TRAF3: variants seen among roughly 807,000 people sequenced by gnomAD.
TRAF3 encodes the protein TNF receptor associated factor 3, also known as TNF receptor-associated factor 3.
A neutral mutation model predicts 62.3 loss-of-function variants in TRAF3; 13 were observed. The ratio of observed to expected loss-of-function variants is 0.21; its 90% CI spans 0.14 to 0.33. The LOEUF is 0.33. Among genes scored for constraint, TRAF3 ranks in the 10% least tolerant of loss-of-function variants. The pLI is 1.00. For missense variants in TRAF3, 440 were observed against 741.8 expected, an observed-to-expected ratio of 0.59 and a Z score of 4.73; for synonymous variants, 269 against 283.4, an observed-to-expected ratio of 0.95 and a Z score of 0.51.
rs529657476 is a variant in TRAF3, at chr14:102,799,193, A to C, written c.-157+21518A>C. On this transcript the variant is annotated intron_variant, in intron 1 of 11. Coordinates refer to ENST00000392745, the MANE Select transcript of TRAF3 (RefSeq NM_145725.3). ...ATTGGGGGGAGATTAGTGCTGTGGAAGTCCTGCTCAGAGTCTTTCTCATGA... is the reference window on the plus strand; with the variant it reads ...ATTGGGGGGAGATTAGTGCTGTGGACGTCCTGCTCAGAGTCTTTCTCATGA... 4.6e-5 allele frequency among the ~76,000 whole-genome samples: 7 copies of C among 152,188 alleles called. No homozygotes were observed. In the East Asian group the frequency reaches 1.2e-3, roughly 25 times the overall value.
At chr14:102,833,137 G>A (rs2139640566) in intron 2 of TRAF3, among the ~76,000 whole-genome samples, 1 of 152,236 alleles carries the variant, frequency 6.6e-6, no homozygotes, top group Admixed American at 6.5e-5. Context: ...CTGGTGTTCT[G>A]TCTTCTTGCC....
intron 9 of TRAF3, among the ~76,000 whole-genome samples, chr14:102,892,168 C>T (rs759395125): frequency 2.0e-5 from 3 of 151,924 alleles, no homozygotes; most frequent in Non-Finnish European, 4.4e-5. Flanking sequence ...AGCAATTCTC[C>T]TGCCTCAGCC....
intron 6 of TRAF3, among the ~76,000 whole-genome samples, chr14:102,881,395 C>CAAAAAAAA (rs57546209): frequency 2.1e-4 from 25 of 117,420 alleles, no homozygotes; most frequent in African/African-American, 1.3e-4. Flanking sequence ...ACAACAAAAA[C>CAAAAAAAA]AAAAAAAAAA....
At chr14:102,863,570 C>T (rs540761489) in intron 2 of TRAF3, among the ~76,000 whole-genome samples, 1 of 152,300 alleles carries the variant, frequency 6.6e-6, no homozygotes, top group South Asian at 2.1e-4. Context: ...AAGCCTAGGG[C>T]CTTTTCAGGT....
At chr14:102,845,509 A>T (rs1886648369) in intron 2 of TRAF3, among the ~76,000 whole-genome samples, 1 of 128,930 alleles carries the variant, frequency 7.8e-6, no homozygotes, top group South Asian at 2.2e-4. Context: ...GCCTAAAAAT[A>T]AAAAAAAAAT....
chr14:102,795,988 G>A (rs556860931), intron 1 of TRAF3, among the ~76,000 whole-genome samples: 8 of 152,188 alleles, frequency 5.3e-5, no homozygotes, highest in East Asian at 3.9e-4. Flanking sequence ...AGGCTGAGGC[G>A]GGCGGATCAC....
chr14:102,811,338 G>C (rs1195069337), intron 1 of TRAF3, among the ~76,000 whole-genome samples: 1 of 144,968 alleles, frequency 6.9e-6, no homozygotes, highest in East Asian at 2.0e-4. Context: ...TTGCTATGTT[G>C]CCTCAGGCGG....
At chr14:102,817,404 G>A (rs1324724504) in intron 1 of TRAF3, among the ~76,000 whole-genome samples, 2 of 152,066 alleles carry the variant, frequency 1.3e-5, no homozygotes, top group African/African-American at 4.8e-5. Flanking sequence ...AGAATGATGG[G>A]GGAGTGGGGG....
In TRAF3 at chr14:102,910,904, A is replaced by T. The variant is rs1890834566; in HGVS notation, c.*5120A>T. On this transcript the variant is annotated 3_prime_UTR_variant, in exon 12 of 12. Transcript: ENST00000392745. ...CTCCAACAGCAAATTCAATGACTTA[A>T]TTGGAAAACACACAAGCTGGCATGA... 1 of 152,280 alleles carries T rather than the reference A, an allele frequency of 6.6e-6. No homozygotes were observed. The highest frequency in any genetic ancestry group is 2.1e-4 in the South Asian group (1 of 4,830). 9.4% of individuals were successfully genotyped at this position (152,280 alleles called of 1,614,324 possible).
intron 1 of TRAF3, among the ~76,000 whole-genome samples, chr14:102,825,448 G>T (rs1018977257): frequency 6.6e-6 from 1 of 152,200 alleles, no homozygotes; most frequent in South Asian, 2.1e-4. Flanking sequence ...GGCAGGTTGC[G>T]CCCCTGCCCG....
intron 2 of TRAF3, among the ~76,000 whole-genome samples, chr14:102,842,116 C>T (rs551584524): frequency 3.3e-3 from 504 of 151,640 alleles, no homozygotes; most frequent in Non-Finnish European, 4.4e-3. Context: ...GTGGTGCAGG[C>T]GCCTGTAATC....
At chr14:102,863,283 C>T (rs1001449844) in intron 2 of TRAF3, among the ~76,000 whole-genome samples, 1 of 152,196 alleles carries the variant, frequency 6.6e-6, no homozygotes, top group Non-Finnish European at 1.5e-5. Flanking sequence ...CTGCTTGTTA[C>T]AGTCATTGTT....
intron 2 of TRAF3, among the ~76,000 whole-genome samples, chr14:102,837,447 C>T (rs1886093193): frequency 6.6e-6 from 1 of 152,006 alleles, no homozygotes; most frequent in Non-Finnish European, 1.5e-5. Flanking sequence ...GCCTGGCCTC[C>T]AAACAATAAT....
chr14:102,811,471 G>A (rs1411779831), intron 1 of TRAF3, among the ~76,000 whole-genome samples: 2 of 150,850 alleles, frequency 1.3e-5, no homozygotes, highest in Non-Finnish European at 2.9e-5. Context: ...CATTAGGCCC[G>A]TGCCGCCATG....
In TRAF3 at chr14:102,903,394, T is replaced by C; in HGVS notation, c.1100T>C (p.Val367Ala). The C allele has an allele frequency of 6.2e-7, 1 of 1,613,964 alleles. No individual in the cohort carries two copies. The stretch of plus-strand genomic sequence containing the variant: ...AACCGCGTGACCGAGCTGGAGAGCG[T>C]GGACAAGAGCGCGGGGCAAGTGGCT... ...LQNRVTELES[V>A]DKSAGQVARN... Residue 367 changes from valine (V) to alanine (A), a missense_variant, in exon 11 of 12, where the codon GTG becomes GCG. Coordinates refer to ENST00000392745, the MANE Select transcript of TRAF3 (RefSeq NM_145725.3). This position sits in a 1 kb window ranked among gnomAD's most constrained non-coding sequence, Gnocchi z 6.4.
rs147610812 is a variant in TRAF3, at chr14:102,903,393, G to A, written c.1099G>A (p.Val367Met). The change falls in exon 11 of 12, where the codon GTG (valine) becomes ATG (methionine). Residue 367 changes from valine (V) to methionine (M), a missense_variant. By Grantham distance (21) the Val-to-Met change is conservative. Coordinates refer to ENST00000392745, the MANE Select transcript of TRAF3 (RefSeq NM_145725.3). This position sits in a 1 kb window ranked among gnomAD's most constrained non-coding sequence, Gnocchi z 6.4. ...LQNRVTELES[V>M]DKSAGQVARN... ...GAACCGCGTGACCGAGCTGGAGAGC[G>A]TGGACAAGAGCGCGGGGCAAGTGGC... The A allele has an allele frequency of 8.2e-5, 132 of 1,614,128 alleles. No homozygotes were observed. Among genetic ancestry groups the A allele is most frequent in the Middle Eastern group, 4.9e-4 (3 of 6,062 alleles).
At chr14:102,788,002 C>T (rs1263943362) in intron 1 of TRAF3, among the ~76,000 whole-genome samples, 1 of 151,784 alleles carries the variant, frequency 6.6e-6, no homozygotes, top group East Asian at 1.9e-4. Context: ...CAGGTATGCA[C>T]CACCCCACCT....
At chr14:102,825,689 ACTGGAGG>A (rs933123172) in intron 1 of TRAF3, among the ~76,000 whole-genome samples, 8 of 152,220 alleles carry the variant, frequency 5.3e-5, no homozygotes, top group Non-Finnish European at 1.0e-4. Context: ...CGCTGCCACC[ACTGGAGG>A]CTGGTGAGAG....
At chr14:102,839,896 A>G (rs1886273506) in intron 2 of TRAF3, among the ~76,000 whole-genome samples, 1 of 152,226 alleles carries the variant, frequency 6.6e-6, no homozygotes, top group Admixed American at 6.5e-5. Context: ...ATAATGTTTC[A>G]CATCGAAGTA....
Sources: allele counts gnomAD v4.1 joint callset (sites outside exome capture counted in the v4.1 genomes callset), GRCh38; gene constraint gnomAD v4.1.1; non-coding constraint Gnocchi (gnomAD v3.1); transcripts MANE v1.5; gene names NCBI Gene and HGNC (gene_info 2026-07-23, HGNC 2026-07-21).